Variants in WWOX observed in about 807,000 individuals in gnomAD.
The protein encoded by WWOX is WW domain-containing oxidoreductase.
In WWOX, 69 loss-of-function variants were observed where a neutral mutation model predicts 46.2. The ratio of observed to expected loss-of-function variants is 1.49; its 90% CI spans 1.23 to 1.82. The LOEUF is 1.82. WWOX is among the 40% of genes most tolerant of loss of function. WWOX has a pLI of 0.00. For synonymous variants in WWOX, 359 were observed against 202.6 expected, an observed-to-expected ratio of 1.77 and a Z score of -6.56; for missense variants, 919 against 542.6, an observed-to-expected ratio of 1.69 and a Z score of -6.89.
chr16:78,592,388 A>T (rs546675420), intron 8 of WWOX, among the ~76,000 whole-genome samples: 2 of 152,312 alleles, frequency 1.3e-5, no homozygotes, highest in Admixed American at 1.3e-4. Context: ...CATTTCTCAG[A>T]AGTTCCTGTA....
chr16:78,314,688 G>GGTTTTTTTTTT (rs1555517825), intron 5 of WWOX, among the ~76,000 whole-genome samples: 1 of 90,512 alleles, frequency 1.1e-5, no homozygotes, highest in South Asian at 4.6e-4. Context: ...CCCTGCAGGG[G>GGTTTTTTTTTT]TTTTTTTTTT....
At chr16:79,024,149 G>C (rs550846240) in intron 8 of WWOX, among the ~76,000 whole-genome samples, 2 of 152,182 alleles carry the variant, frequency 1.3e-5, no homozygotes, top group Non-Finnish European at 2.9e-5. Context: ...TTCTTTTGGG[G>C]TTGGTTAAAT....
chr16:78,468,140 C>T (rs1433812439), intron 8 of WWOX, among the ~76,000 whole-genome samples: 2 of 152,106 alleles, frequency 1.3e-5, no homozygotes, highest in South Asian at 2.1e-4. Flanking sequence ...CCAAGAACTA[C>T]CTTTACACTG....
chr16:78,761,171 A>G (rs559569432), intron 8 of WWOX, among the ~76,000 whole-genome samples: 2 of 152,292 alleles, frequency 1.3e-5, no homozygotes, highest in South Asian at 4.1e-4. Context: ...TGTTCTTATA[A>G]GAACTATTGC....
intron 4 of WWOX, among the ~76,000 whole-genome samples, chr16:78,144,466 C>CATATATATAT (rs1567596354): frequency 1.4e-4 from 2 of 14,360 alleles, no homozygotes; most frequent in Non-Finnish European, 1.4e-4. Flanking sequence ...TATATATACA[C>CATATATATAT]ACATATATAT....
intron 6 of WWOX, among the ~76,000 whole-genome samples, chr16:78,406,173 A>G (rs1027758569): frequency 8.6e-5 from 13 of 151,282 alleles, no homozygotes; most frequent in Non-Finnish European, 1.0e-4. Flanking sequence ...TTGCAAAATC[A>G]CTGCGTCAGT....
chr16:78,137,791 A>C (rs1247214761), intron 4 of WWOX, among the ~76,000 whole-genome samples: 1 of 136,578 alleles, frequency 7.3e-6, no homozygotes, highest in Non-Finnish European at 1.7e-5. Flanking sequence ...AATTGTCAAC[A>C]GATAATAAAA....
chr16:79,067,969 G>A (rs757683368), intron 8 of WWOX, among the ~76,000 whole-genome samples: 15 of 152,134 alleles, frequency 9.9e-5, no homozygotes, highest in Non-Finnish European at 1.6e-4. Context: ...AATTAGTTTT[G>A]AGAAAAAAGC....
chr16:78,668,397 A>G (rs1459469254), intron 8 of WWOX, among the ~76,000 whole-genome samples: 1 of 152,250 alleles, frequency 6.6e-6, no homozygotes, highest in Admixed American at 6.5e-5. Flanking sequence ...AAGGACCACA[A>G]GATAAATGTC....
intron 8 of WWOX, chr16:78,691,284 G>A (rs906859114): frequency 1.1e-5 from 8 of 702,082 alleles, no homozygotes; most frequent in Non-Finnish European, 1.8e-5. Flanking sequence ...CTGATTGTCA[G>A]TGACTTTGGT....
intron 8 of WWOX, among the ~76,000 whole-genome samples, chr16:78,569,781 T>G (rs1480121914): frequency 6.6e-6 from 1 of 152,216 alleles, no homozygotes; most frequent in East Asian, 1.9e-4. Flanking sequence ...TTTATCCTCT[T>G]CTTATTGACC....
intron 8 of WWOX, among the ~76,000 whole-genome samples, chr16:78,945,129 G>A (rs774584435): frequency 2.6e-5 from 4 of 152,134 alleles, no homozygotes; most frequent in Non-Finnish European, 4.4e-5. Context: ...ACAGTGAGCC[G>A]AGACCGCACC....
At chr16:78,671,567 C>G (rs1196666204) in intron 8 of WWOX, among the ~76,000 whole-genome samples, 2 of 152,062 alleles carry the variant, frequency 1.3e-5, no homozygotes, top group African/African-American at 4.8e-5. Flanking sequence ...TTATGATAAC[C>G]TCATTAATTG....
intron 6 of WWOX, among the ~76,000 whole-genome samples, chr16:78,414,209 C>G (rs995453895): frequency 6.6e-6 from 1 of 152,000 alleles, no homozygotes; most frequent in Non-Finnish European, 1.5e-5. Flanking sequence ...TGTAAAACTG[C>G]CCTACACCTA....
rs77673445 is a variant in WWOX, at chr16:78,970,496, G to T, written c.1057-241112G>T. ...CCTGGTACTACCTAATAAAACCAGG[G>T]GAGACTCGACCCAAGGCATTGTGTT... On this transcript the variant is annotated intron_variant, in intron 8 of 8. Coordinates refer to ENST00000566780, the MANE Select transcript of WWOX (RefSeq NM_016373.4). 8.1e-3 allele frequency among the ~76,000 whole-genome samples: 1,231 copies of T among 152,236 alleles called. 14 individuals are homozygous for T. Among genetic ancestry groups the T allele is most frequent in the East Asian group, 0.028 (144 of 5,182 alleles).
intron 8 of WWOX, among the ~76,000 whole-genome samples, chr16:79,040,575 C>T (rs956846613): frequency 6.6e-6 from 1 of 152,138 alleles, no homozygotes; most frequent in Non-Finnish European, 1.5e-5. Flanking sequence ...TGGGCCTGGC[C>T]TGAGTTGATA....
chr16:78,665,104 G>A (rs1235234604), intron 8 of WWOX, among the ~76,000 whole-genome samples: 1 of 152,176 alleles, frequency 6.6e-6, no homozygotes, highest in African/African-American at 2.4e-5. Flanking sequence ...AAATGCGATG[G>A]GGACAAAAGA....
intron 5 of WWOX, among the ~76,000 whole-genome samples, chr16:78,242,603 G>C (rs997843920): frequency 1.3e-5 from 2 of 152,180 alleles, no homozygotes; most frequent in African/African-American, 4.8e-5. Flanking sequence ...TATTAAAAAG[G>C]TGAGGGTAGC....
intron 8 of WWOX, among the ~76,000 whole-genome samples, chr16:78,788,958 G>A (rs1026520198): frequency 1.1e-4 from 16 of 152,160 alleles, no homozygotes; most frequent in African/African-American, 3.1e-4. Context: ...ATATATTTTG[G>A]AAACTAGACC....
Sources: gnomAD v4.1 joint callset for allele counts (sites outside exome capture counted in the v4.1 genomes callset) on GRCh38, gnomAD v4.1.1 for gene constraint, MANE v1.5 for transcripts, NCBI Gene and HGNC (gene_info 2026-07-23, HGNC 2026-07-21) for gene names.